C12orf76: variants seen among roughly 807,000 people sequenced by gnomAD.
C12orf76 encodes chromosome 12 open reading frame 76.
C12orf76 carries 6 observed loss-of-function variants against 6.8 expected under a neutral mutation model. That is an observed-to-expected ratio of 0.88 (90% CI 0.48 to 1.73). The LOEUF (loss-of-function observed/expected upper bound fraction) is 1.73, where lower values mean the gene tolerates loss of function less well. Among genes scored for constraint, C12orf76 ranks in the 40% most tolerant of loss-of-function variants. C12orf76 has a pLI of 0.01. For missense variants in C12orf76, 99 were observed against 98.2 expected, an observed-to-expected ratio of 1.01 and a Z score of -0.03; for synonymous variants, 56 against 43.7, an observed-to-expected ratio of 1.28 and a Z score of -1.11.
chr12:110,059,425 C>T (rs1012514274), intron 2 of C12orf76, among the ~76,000 whole-genome samples: 2 of 152,158 alleles, frequency 1.3e-5, no homozygotes, highest in African/African-American at 2.4e-5. Flanking sequence ...GCGGTGAAAG[C>T]GGGCATCCTC....
chr12:110,064,765 G>A (rs1892831070), intron 2 of C12orf76, among the ~76,000 whole-genome samples: 1 of 152,060 alleles, frequency 6.6e-6, no homozygotes, highest in Admixed American at 6.6e-5. Flanking sequence ...GGCCTGTGAA[G>A]AAGCCAGACA....
Position 110,041,507 on chromosome 12 carries a change from A to C in C12orf76, c.*867T>G, listed in dbSNP as rs1199238984. The C allele has an allele frequency of 1.3e-5, 2 of 152,434 alleles. No homozygotes were observed. Among genetic ancestry groups the C allele is most frequent in the East Asian group, 3.8e-4 (2 of 5,202 alleles). The allele number at this position is 152,434 out of a possible 1,614,324, so 9.4% of individuals were successfully genotyped here. On this transcript the variant is annotated 3_prime_UTR_variant, in exon 2 of 2. Transcript: ENST00000615315. ...GCAGCATTTTCAAAGCTGAGATGAAATTTGTGTAAACACACACTGGCCCGC... is the reference window on the plus strand; with the variant it reads ...GCAGCATTTTCAAAGCTGAGATGAACTTTGTGTAAACACACACTGGCCCGC...
chr12:110,050,859 C>T (rs941816808), upstream of C12orf76: 1 of 606,312 alleles, frequency 1.6e-6, no homozygotes, highest in African/African-American at 1.9e-5. Context: ...TCCAAGAACC[C>T]CCTCTTGGGG....
At chr12:110,059,358 A>G (rs1012708228) in intron 2 of C12orf76, among the ~76,000 whole-genome samples, 1 of 152,172 alleles carries the variant, frequency 6.6e-6, no homozygotes, top group African/African-American at 2.4e-5. Flanking sequence ...GATGCCTTTT[A>G]TTGCTTTTCT....
intron 1 of C12orf76, among the ~76,000 whole-genome samples, chr12:110,044,761 G>GT (rs1377431338): frequency 3.3e-5 from 5 of 152,072 alleles, no homozygotes; most frequent in Non-Finnish European, 7.3e-5. Context: ...ATCACCTGAA[G>GT]TCGGGAGTTC....
chr12:110,067,583 C>T, exon 1 of C12orf76: 1 of 985,504 alleles, frequency 1.0e-6, no homozygotes, highest in South Asian at 4.7e-5. Flanking sequence ...TCACACTGCT[C>T]CGTCATCTTC....
chr12:110,048,819 TGAA>T (rs1048214932), upstream of C12orf76: 6 of 285,302 alleles, frequency 2.1e-5, no homozygotes, highest in Non-Finnish European at 3.5e-5. Context: ...TGGGGCCTAT[TGAA>T]GATTTTTTAC....
chr12:110,053,671 T>C (rs557030302), upstream of C12orf76, among the ~76,000 whole-genome samples: 147 of 152,324 alleles, frequency 9.7e-4, 1 homozygote, highest in African/African-American at 4.3e-4. Flanking sequence ...GAGAAACTCT[T>C]GTACATGTGC....
upstream of C12orf76, among the ~76,000 whole-genome samples, chr12:110,070,421 C>T (rs531922601): frequency 6.6e-6 from 1 of 152,080 alleles, no homozygotes; most frequent in Admixed American, 6.6e-5. Flanking sequence ...AAAAAATTAG[C>T]CAGGCGTCAT....
At chr12:110,072,496 GT>G (rs1218170192), upstream of C12orf76, among the ~76,000 whole-genome samples, 11 of 145,502 alleles carry the variant, frequency 7.6e-5, no homozygotes, top group South Asian at 6.6e-4. Context: ...GGTTTTTTTT[GT>G]TTTTTTTTTG....
chr12:110,059,156 G>T, exon 3 of C12orf76: 1 of 1,544,786 alleles, frequency 6.5e-7, no homozygotes, highest in Non-Finnish European at 8.7e-7. Context: ...CTTTTCAAAT[G>T]TTCCTTGCTG....
chr12:110,060,685 G>A (rs1158958301), intron 2 of C12orf76, among the ~76,000 whole-genome samples: 1 of 152,066 alleles, frequency 6.6e-6, no homozygotes, highest in Non-Finnish European at 1.5e-5. Flanking sequence ...TCTCTTGCTG[G>A]TGAATTGCAG....
At chr12:110,047,511 AAAC>A (rs997254234) in intron 1 of C12orf76, among the ~76,000 whole-genome samples, 1 of 151,992 alleles carries the variant, frequency 6.6e-6, no homozygotes, top group African/African-American at 2.4e-5. Context: ...TACAAAAAGT[AAAC>A]AACAACAACA....
At chr12:110,048,808 T>C (rs1461277131), upstream of C12orf76, 3 of 331,446 alleles carry the variant, frequency 9.1e-6, no homozygotes, top group Non-Finnish European at 9.7e-6. Flanking sequence ...GTAGGTCCAT[T>C]TGGGGCCTAT....
At chr12:110,073,056 C>T (rs115864136) in intron 1 of C12orf76, among the ~76,000 whole-genome samples, 3,263 of 152,278 alleles carry the variant, frequency 0.021, 104 homozygotes, top group African/African-American at 0.074. Flanking sequence ...TTCCCAAGCA[C>T]GGTGACTCAA....
chr12:110,070,754 G>T (rs560300635), upstream of C12orf76, among the ~76,000 whole-genome samples: 42 of 152,064 alleles, frequency 2.8e-4, no homozygotes, highest in Non-Finnish European at 5.7e-4. Context: ...TCTTGTTTTC[G>T]ATTTCAGCAT....
At chr12:110,057,382 G>C in intron 3 of C12orf76, 1 of 838,256 alleles carries the variant, frequency 1.2e-6, no homozygotes. Context: ...GACTAACCCA[G>C]GGCCAACAGA....
At chr12:110,069,267 T>C (rs1182429952), upstream of C12orf76, among the ~76,000 whole-genome samples, 4 of 152,058 alleles carry the variant, frequency 2.6e-5, no homozygotes, top group East Asian at 1.9e-4. Context: ...GGTGAAACCC[T>C]GTCTCTACTA....
At chr12:110,065,794 C>A in intron 2 of C12orf76, 1 of 1,614,038 alleles carries the variant, frequency 6.2e-7, no homozygotes, top group Non-Finnish European at 8.5e-7. Flanking sequence ...TCCCATGGCA[C>A]TGAAAATCAA....
Sources: gnomAD v4.1 joint callset for allele counts (sites outside exome capture counted in the v4.1 genomes callset) on GRCh38, gnomAD v4.1.1 for gene constraint, MANE v1.5 for transcripts, NCBI Gene and HGNC (gene_info 2026-07-23, HGNC 2026-07-21) for gene names.